The following EIF2AK2 variants were observed in gnomAD, a reference collection of about 807,000 sequenced individuals.
EIF2AK2 encodes interferon-induced, double-stranded RNA-activated protein kinase.
A neutral mutation model predicts 70.5 loss-of-function variants in EIF2AK2; 40 were observed. The ratio of observed to expected loss-of-function variants is 0.57; its 90% CI spans 0.44 to 0.74. The LOEUF is 0.74. EIF2AK2 is among the 30% of genes least tolerant of loss of function. EIF2AK2 has a pLI of 0.00. For synonymous variants in EIF2AK2, 198 were observed against 220.9 expected (o/e 0.90, Z 0.92); for missense variants, 555 against 644.3 (o/e 0.86, Z 1.50).
intron 10 of EIF2AK2, among the ~76,000 whole-genome samples, chr2:37,131,968 T>C (rs1674956267): frequency 6.6e-6 from 1 of 152,178 alleles, no homozygotes; most frequent in Non-Finnish European, 1.5e-5. Flanking sequence ...TTGGAGCAAG[T>C]GGGGCTATCT....
chr2:37,114,840 A>C lies in EIF2AK2; in HGVS notation c.1268T>G (p.Val423Gly), dbSNP rs1674280089. The C allele has an allele frequency of 1.3e-6, 2 of 1,582,464 alleles. No homozygotes were observed. The highest frequency in any genetic ancestry group is 2.7e-5 in the African/African-American group (2 of 73,204). The change falls in exon 14 of 17, where the codon GTA becomes GGA. Residue 423 changes from valine (V) to glycine (G), a missense_variant. Physicochemically the swap from Val to Gly is moderately radical, Grantham distance 109. Coordinates refer to ENST00000233057, the MANE Select transcript of EIF2AK2 (RefSeq NM_001135651.3). ...TCCAATCTTTACTTGTTTTGTATCT[A>C]CTAAGAATATATTACTTGGCTATGA... is the stretch of plus-strand genomic sequence containing the variant. ...RDLKPSNIFL[V>G]DTKQVKIGDF... is the part of the protein sequence containing the mutation.
chr2:37,155,573 G>A (rs952007025), intron 1 of EIF2AK2, among the ~76,000 whole-genome samples: 7 of 152,278 alleles, frequency 4.6e-5, no homozygotes, highest in African/African-American at 1.7e-4. Context: ...ACACAGCCCT[G>A]ACTGCTTTTT....
intron 1 of EIF2AK2, among the ~76,000 whole-genome samples, chr2:37,155,770 G>T (rs1320224221): frequency 2.0e-5 from 3 of 151,972 alleles, no homozygotes; most frequent in Non-Finnish European, 4.4e-5. Context: ...GTGAAACCCT[G>T]TCTCTACTAA....
intron 4 of EIF2AK2, among the ~76,000 whole-genome samples, chr2:37,142,830 A>G (rs1362946420): frequency 6.6e-6 from 1 of 152,194 alleles, no homozygotes; most frequent in African/African-American, 2.4e-5. Context: ...GTTGCTGTGC[A>G]CAGCATGAAA....
intron 14 of EIF2AK2, among the ~76,000 whole-genome samples, chr2:37,109,930 G>A (rs564450042): frequency 1.3e-5 from 2 of 152,310 alleles, no homozygotes; most frequent in South Asian, 4.1e-4. Flanking sequence ...AGGAGGCACT[G>A]ACTGGAAAGG....
chr2:37,142,921 A>T (rs1379975449), intron 4 of EIF2AK2, among the ~76,000 whole-genome samples: 2 of 152,146 alleles, frequency 1.3e-5, no homozygotes, highest in Non-Finnish European at 2.9e-5. Context: ...TCTGGAGCAC[A>T]GTACTTTCAT....
chr2:37,138,791 T>C (rs1331857587), intron 6 of EIF2AK2, among the ~76,000 whole-genome samples: 1 of 152,086 alleles, frequency 6.6e-6, no homozygotes, highest in Non-Finnish European at 1.5e-5. Flanking sequence ...ACAGGGCAGA[T>C]ATTTTGTTTG....
At chr2:37,118,673 C>T (rs543313067) in intron 13 of EIF2AK2, among the ~76,000 whole-genome samples, 3 of 152,326 alleles carry the variant, frequency 2.0e-5, no homozygotes, top group East Asian at 3.9e-4. Flanking sequence ...GTTCCACCTT[C>T]AAAGAACAAC....
At chr2:37,142,680 TAGATTTTTCAAGAA>T (rs1005746359) in intron 4 of EIF2AK2, among the ~76,000 whole-genome samples, 2 of 152,154 alleles carry the variant, frequency 1.3e-5, no homozygotes, top group African/African-American at 4.8e-5. Flanking sequence ...TATCTTTAAG[TAGATTTTTCAAGAA>T]AGAACCTTGA....
chr2:37,107,061 A>T lies in EIF2AK2; in HGVS notation c.*212T>A. 1.8e-6 allele frequency: 1 copy of T among 556,482 alleles called. No homozygotes were observed. Among genetic ancestry groups the T allele is most frequent in the Non-Finnish European group, 2.8e-6 (1 of 359,116 alleles). The allele number at this position is 556,482 out of a possible 1,614,324, so 34.5% of individuals were successfully genotyped here. On this transcript the variant is annotated 3_prime_UTR_variant, in exon 17 of 17. Coordinates refer to ENST00000233057, the MANE Select transcript of EIF2AK2 (RefSeq NM_001135651.3). ...TGTCTTTAAAAAAAAAAAAAGAATA[A>T]AGAGATGAGCCAGGAAAAAGTAAAA... is the stretch of plus-strand genomic sequence containing the variant.
chr2:37,116,303 T>C (rs1674339494), intron 13 of EIF2AK2, among the ~76,000 whole-genome samples: 1 of 152,182 alleles, frequency 6.6e-6, no homozygotes, highest in Non-Finnish European at 1.5e-5. Context: ...CACTGCAGCC[T>C]TGACTTCCTC....
At chr2:37,116,940 G>A (rs924417919) in intron 13 of EIF2AK2, among the ~76,000 whole-genome samples, 1 of 152,128 alleles carries the variant, frequency 6.6e-6, no homozygotes, top group African/African-American at 2.4e-5. Context: ...GGCAGGGCGT[G>A]GTGAGTCACA....
chr2:37,107,167 G>A lies in EIF2AK2; in HGVS notation c.*106C>T. The A allele has an allele frequency of 1.5e-6, 2 of 1,319,048 alleles. No individual in the cohort carries two copies. Among genetic ancestry groups the A allele is most frequent in the Non-Finnish European group, 2.0e-6 (2 of 1,004,422 alleles). 81.7% of individuals were successfully genotyped at this position (1,319,048 alleles called of 1,614,324 possible). ...TTAGTAAAAATAGTAAAAAATTAAA[G>A]GAAACATTAAAATAAAAGGTAAATA... On this transcript the variant is annotated 3_prime_UTR_variant, in exon 17 of 17. Transcript: ENST00000233057.
Position 37,101,533 on chromosome 2 carries a change from A to C in EIF2AK2, c.*5740T>G, listed in dbSNP as rs962929193. The C allele has an allele frequency of 5.9e-5, 9 of 152,336 alleles. No homozygotes were observed. Among genetic ancestry groups the C allele is most frequent in the African/African-American group, 1.9e-4 (8 of 41,568 alleles). 9.4% of individuals were successfully genotyped at this position (152,336 alleles called of 1,614,324 possible). ...CAATCAGACATCATGTTCCTCCTGA[A>C]ATGATGTAAGAGAAAGTGTATAGCA... On this transcript the variant is annotated 3_prime_UTR_variant, in exon 17 of 17. Transcript: ENST00000233057.
intron 4 of EIF2AK2, among the ~76,000 whole-genome samples, chr2:37,142,903 T>A (rs1388842962): frequency 1.3e-5 from 2 of 152,176 alleles, no homozygotes; most frequent in Non-Finnish European, 2.9e-5. Flanking sequence ...TAAAATTCTT[T>A]CCTCATCTCT....
rs900754708 is a variant in EIF2AK2 at position 37,105,851 on chromosome 2, G to C, written c.*1422C>G. On this transcript the variant is annotated 3_prime_UTR_variant, in exon 17 of 17. Coordinates refer to ENST00000233057, the MANE Select transcript of EIF2AK2 (RefSeq NM_001135651.3). ...TCATCTAACACCCTGGCATATAGTTGGAAGGCCCACTGGGCTGTCACTTCT... is the reference window on the plus strand; with the variant it reads ...TCATCTAACACCCTGGCATATAGTTCGAAGGCCCACTGGGCTGTCACTTCT... 1 of 152,172 alleles carries C rather than the reference G, an allele frequency of 6.6e-6. No individual in the cohort carries two copies. Among genetic ancestry groups the C allele is most frequent in the African/African-American group, 2.4e-5 (1 of 41,414 alleles). 9.4% of individuals were successfully genotyped at this position (152,172 alleles called of 1,614,324 possible).
intron 1 of EIF2AK2, among the ~76,000 whole-genome samples, chr2:37,156,239 T>C (rs943700364): frequency 2.5e-4 from 38 of 152,140 alleles, no homozygotes; most frequent in African/African-American, 8.4e-4. Context: ...GAAGCCAGCG[T>C]GGCCGGAGTA....
At chr2:37,143,616 G>A (rs906163760) in intron 4 of EIF2AK2, among the ~76,000 whole-genome samples, 1 of 152,126 alleles carries the variant, frequency 6.6e-6, no homozygotes, top group African/African-American at 2.4e-5. Context: ...GGGTGTGGTG[G>A]CTCATGCCTG....
intron 16 of EIF2AK2, 37 bp downstream of exon 16, chr2:37,107,437 G>C: frequency 6.2e-7 from 1 of 1,609,580 alleles, no homozygotes; most frequent in Non-Finnish European, 8.5e-7. Context: ...ATAAAACATT[G>C]AAATAAATAA....
Sources: allele counts gnomAD v4.1 joint callset (sites outside exome capture counted in the v4.1 genomes callset), GRCh38; gene constraint gnomAD v4.1.1; transcripts MANE v1.5; gene names NCBI Gene and HGNC (gene_info 2026-07-23, HGNC 2026-07-21).